The following WWOX variants were observed in gnomAD, a reference collection of about 807,000 sequenced individuals.
WWOX encodes WW domain containing oxidoreductase.
WWOX carries 69 observed loss-of-function variants against 46.2 expected under a neutral mutation model. The observed-to-expected ratio is 1.49, with a 90% CI of 1.23 to 1.82. WWOX has a LOEUF of 1.82. Among genes scored for constraint, WWOX ranks in the 40% most tolerant of loss-of-function variants. WWOX has a pLI of 0.00. For missense variants in WWOX, 919 were observed against 542.6 expected (o/e 1.69, Z -6.89); for synonymous variants, 359 against 202.6 (o/e 1.77, Z -6.56).
chr16:78,660,920 C>A (rs540590507), intron 8 of WWOX, among the ~76,000 whole-genome samples: 1 of 152,136 alleles, frequency 6.6e-6, no homozygotes, highest in African/African-American at 2.4e-5. Context: ...AGCTCAACCT[C>A]CTAATACTGC....
chr16:78,562,619 C>A (rs1399912727), intron 8 of WWOX, among the ~76,000 whole-genome samples: 1 of 152,204 alleles, frequency 6.6e-6, no homozygotes, highest in African/African-American at 2.4e-5. Flanking sequence ...ATTGGAGAGG[C>A]CTGTTTCCAT....
intron 8 of WWOX, among the ~76,000 whole-genome samples, chr16:78,639,490 G>A (rs984285471): frequency 6.6e-6 from 1 of 152,142 alleles, no homozygotes; most frequent in Non-Finnish European, 1.5e-5. Flanking sequence ...GAATAAACCC[G>A]GAGTTGCCTC....
chr16:79,153,334 G>T (rs1383248152), intron 8 of WWOX, among the ~76,000 whole-genome samples: 1 of 152,054 alleles, frequency 6.6e-6, no homozygotes, highest in East Asian at 1.9e-4. Context: ...CATGAGTCAC[G>T]CCAAGCCGCC....
chr16:78,114,988 A>C lies in WWOX; in HGVS notation c.243A>C (p.Lys81Asn), dbSNP rs764100719. The change falls in exon 4 of 9, where the codon AAA (lysine) becomes AAC (asparagine). Residue 81 changes from lysine to asparagine, a missense_variant. Physicochemically the swap from Lys to Asn is moderately conservative, Grantham distance 94. Coordinates refer to ENST00000566780, the MANE Select transcript of WWOX (RefSeq NM_016373.4). ...CTCTTTTGGGCAGCCATATAAATAA[A>C]AGAACCACCTACTTGGACCCAAGAC... ...GQVFFVDHIN[K>N]RTTYLDPRLA... 6.2e-7 allele frequency: 1 copy of C among 1,614,202 alleles called. No homozygotes were observed. Among genetic ancestry groups the C allele is most frequent in the South Asian group, 1.1e-5 (1 of 91,088 alleles).
At chr16:78,287,063 A>G (rs2079779941) in intron 5 of WWOX, among the ~76,000 whole-genome samples, 1 of 152,196 alleles carries the variant, frequency 6.6e-6, no homozygotes, top group African/African-American at 2.4e-5. Flanking sequence ...CCATTTGGTA[A>G]TACAACGGGA....
At chr16:78,307,208 G>C (rs2080151025) in intron 5 of WWOX, among the ~76,000 whole-genome samples, 1 of 152,152 alleles carries the variant, frequency 6.6e-6, no homozygotes, top group Non-Finnish European at 1.5e-5. Flanking sequence ...CTAACTACCT[G>C]TTCACTGCTG....
At chr16:79,024,757 A>G (rs956449837) in intron 8 of WWOX, among the ~76,000 whole-genome samples, 8 of 152,022 alleles carry the variant, frequency 5.3e-5, no homozygotes, top group South Asian at 2.1e-4. Flanking sequence ...TTTTTCATGG[A>G]GACAGGGTCT....
chr16:78,659,965 A>T (rs2047174471), intron 8 of WWOX, among the ~76,000 whole-genome samples: 1 of 152,196 alleles, frequency 6.6e-6, no homozygotes, highest in Non-Finnish European at 1.5e-5. Flanking sequence ...TGCAAAAAAA[A>T]GCCCAGTAAT....
chr16:78,801,434 A>G (rs1260312399), intron 8 of WWOX, among the ~76,000 whole-genome samples: 2 of 152,182 alleles, frequency 1.3e-5, no homozygotes, highest in Non-Finnish European at 2.9e-5. Flanking sequence ...ACTTGAACCC[A>G]GGAGGTAGAG....
At chr16:78,618,075 A>T (rs1390163577) in intron 8 of WWOX, among the ~76,000 whole-genome samples, 1 of 152,180 alleles carries the variant, frequency 6.6e-6, no homozygotes, top group African/African-American at 2.4e-5. Context: ...TTTCATGGCA[A>T]GCCTAAGAGG....
chr16:78,353,339 G>T (rs532465003), intron 5 of WWOX, among the ~76,000 whole-genome samples: 2 of 152,280 alleles, frequency 1.3e-5, no homozygotes, highest in African/African-American at 4.8e-5. Context: ...AGAAATATTG[G>T]CCAGAAGCTA....
intron 8 of WWOX, among the ~76,000 whole-genome samples, chr16:79,019,762 C>G (rs544824382): frequency 6.6e-6 from 1 of 152,092 alleles, no homozygotes; most frequent in African/African-American, 2.4e-5. Context: ...GGGAAGAGAG[C>G]AAAGGTAGAA....
intron 8 of WWOX, among the ~76,000 whole-genome samples, chr16:78,853,552 C>G (rs774282257): frequency 2.0e-5 from 3 of 152,202 alleles, no homozygotes; most frequent in Non-Finnish European, 2.9e-5. Context: ...CTCTCCATTA[C>G]TCATGAATCT....
intron 7 of WWOX, among the ~76,000 whole-genome samples, chr16:78,428,603 C>T (rs2083142440): frequency 6.6e-6 from 1 of 152,140 alleles, no homozygotes; most frequent in African/African-American, 2.4e-5. Context: ...GATTAGGGAT[C>T]AAGAAGAAAT....
intron 5 of WWOX, among the ~76,000 whole-genome samples, chr16:78,231,868 C>G (rs184341270): frequency 2.6e-3 from 389 of 148,924 alleles, no homozygotes; most frequent in African/African-American, 9.4e-3. Context: ...TTCTACTAGA[C>G]ATGTCAATTT....
rs918980125 is a variant in WWOX at position 78,662,272 on chromosome 16, G to T, written c.1056+229520G>T. Among the ~76,000 whole-genome samples the T allele has an allele frequency of 1.1e-4, 17 of 152,160 alleles. 1 individual carries two copies. The highest frequency in any genetic ancestry group is 3.6e-4 in the African/African-American group (15 of 41,448). ...TATCTGTACATAGAAGAATGTTTTA[G>T]TCAGAGGCAAGGCAAGGTCACCAGG... On this transcript the variant is annotated intron_variant, in intron 8 of 8. Transcript: ENST00000566780.
chr16:78,930,710 G>A (rs1243153991), intron 8 of WWOX, among the ~76,000 whole-genome samples: 1 of 151,716 alleles, frequency 6.6e-6, no homozygotes, highest in Non-Finnish European at 1.5e-5. Flanking sequence ...AGAGCAGAAT[G>A]AAAAAATGAG....
chr16:78,388,388 TG>T (rs1322628275), intron 6 of WWOX, among the ~76,000 whole-genome samples: 1 of 152,164 alleles, frequency 6.6e-6, no homozygotes, highest in Non-Finnish European at 1.5e-5. Flanking sequence ...GGCTTATGCC[TG>T]TAATCCCAGC....
intron 5 of WWOX, among the ~76,000 whole-genome samples, chr16:78,251,649 AC>A (rs1171609321): frequency 6.6e-6 from 1 of 152,152 alleles, no homozygotes; most frequent in Non-Finnish European, 1.5e-5. Context: ...AGATTCAAAA[AC>A]ATTACCGCTG....
Sources: gnomAD v4.1 joint callset for allele counts (sites outside exome capture counted in the v4.1 genomes callset) on GRCh38, gnomAD v4.1.1 for gene constraint, MANE v1.5 for transcripts, NCBI Gene and HGNC (gene_info 2026-07-23, HGNC 2026-07-21) for gene names.